Variants in FBXO7 observed in about 807,000 individuals in gnomAD.
FBXO7 encodes F-box only protein 7.
A neutral mutation model predicts 50.2 loss-of-function variants in FBXO7; 31 were observed. The ratio of observed to expected loss-of-function variants is 0.62; its 90% CI spans 0.46 to 0.83. The LOEUF is 0.83. Among genes scored for constraint, FBXO7 ranks in the 40% least tolerant of loss-of-function variants. The pLI, the probability that FBXO7 is intolerant of heterozygous loss-of-function variation, is 0.00. For synonymous variants in FBXO7, 256 were observed against 253.1 expected (o/e 1.01, Z -0.11); for missense variants, 667 against 646.6 (o/e 1.03, Z -0.34).
At chr22:32,479,313 G>A (rs754113728) in intron 2 of FBXO7, 38 bp downstream of exon 2, 1 of 1,600,186 alleles carries the variant, frequency 6.2e-7, no homozygotes, top group Admixed American at 1.7e-5. Context: ...TAGAGTAGGT[G>A]ATAAGTCATA....
chr22:32,477,197 T>C (rs1458263945), intron 1 of FBXO7, among the ~76,000 whole-genome samples: 7 of 152,228 alleles, frequency 4.6e-5, no homozygotes, highest in Non-Finnish European at 1.0e-4. Flanking sequence ...TCAGTAATTT[T>C]AATTTCTCTA....
intron 8 of FBXO7, among the ~76,000 whole-genome samples, chr22:32,497,088 AGTCTCACAGTCAAACTTG>A (rs1459184846): frequency 6.6e-6 from 1 of 152,238 alleles, no homozygotes; most frequent in Non-Finnish European, 1.5e-5. Context: ...GAATTGCTGC[AGTCTCACAGTCAAACTTG>A]AATGGATGAG....
chr22:32,491,148 C>A lies in FBXO7; in HGVS notation c.934C>A (p.Leu312Met). ...QKLSRLFKDQ[L>M]VYPLLAFTRQ... ...ACTCTCTCGCCTCTTTAAAGACCAGCTGGTGTATCCTCTTCTGGCTTTTAC... is the reference window on the plus strand; with the variant it reads ...ACTCTCTCGCCTCTTTAAAGACCAGATGGTGTATCCTCTTCTGGCTTTTAC... The change falls in exon 6 of 9, where the codon CTG becomes ATG. Residue 312 changes from leucine (L) to methionine (M), a missense_variant. Leu to Met is a conservative substitution (Grantham distance 15). Transcript: ENST00000266087. 1 of 1,612,678 alleles carries A rather than the reference C, an allele frequency of 6.2e-7. No homozygotes were observed. Among genetic ancestry groups the A allele is most frequent in the Non-Finnish European group, 8.5e-7 (1 of 1,178,796 alleles).
chr22:32,475,609 T>G (rs1323637342), intron 1 of FBXO7: 12 of 601,752 alleles, frequency 2.0e-5, no homozygotes, highest in Non-Finnish European at 3.3e-5. Context: ...AAATCTGCCC[T>G]CAATCCGAGG....
intron 5 of FBXO7, chr22:32,489,977 A>T (rs1244448103): frequency 1.3e-5 from 2 of 152,368 alleles, no homozygotes; most frequent in Non-Finnish European, 1.5e-5. Context: ...CCTTGAGCCA[A>T]ATTGATTTTA....
At chr22:32,478,179 T>G (rs1200799385) in intron 1 of FBXO7, 5 of 152,212 alleles carry the variant, frequency 3.3e-5, no homozygotes, top group African/African-American at 1.2e-4. Context: ...CAGGATGCAG[T>G]AGGAGAAATG....
At position 32,493,258 on chromosome 22, in the gene FBXO7, T is replaced by G. The variant is rs1218068969; in HGVS notation, c.1121T>G (p.Phe374Cys). Reference protein sequence around the residue: ...TASNDPLLWRFLYLRDFRDNT... With the variant: ...TASNDPLLWRCLYLRDFRDNT... ...TCAAATGACCCACTCCTGTGGAGGT[T>G]TTTATATCTGCGTGATTTTCGAGGT... The change falls in exon 7 of 9, where the codon TTT (phenylalanine) becomes TGT (cysteine). Residue 374 changes from phenylalanine to cysteine, a missense_variant. By Grantham distance (205) the Phe-to-Cys change is radical. Transcript: ENST00000266087. 2.5e-6 allele frequency: 4 copies of G among 1,613,996 alleles called. No individual in the cohort carries two copies. Among genetic ancestry groups the G allele is most frequent in the Non-Finnish European group, 2.5e-6 (3 of 1,179,984 alleles).
rs570400052 is a variant in FBXO7 at position 32,475,501 on chromosome 22, G to T, written c.122+377G>T. The T allele has an allele frequency of 1.2e-4, 183 of 1,481,332 alleles. 3 individuals carry two copies. The African/African-American group carries it at 2.4e-3, about 19-fold the overall frequency. The allele number at this position is 1,481,332 out of a possible 1,614,324, so 91.8% of individuals were successfully genotyped here. On this transcript the variant is annotated intron_variant, in intron 1 of 8. Transcript: ENST00000266087. ...TTTCAAGTTGGAAATGATGAGCTTG[G>T]CTTGGGTTAAACCTTTCTGGACTGT...
chr22:32,488,645 A>C (rs989491985), intron 5 of FBXO7: 2 of 152,246 alleles, frequency 1.3e-5, no homozygotes, highest in Non-Finnish European at 2.9e-5. Context: ...GGCTAGATTG[A>C]CATTGTTGCT....
chr22:32,495,342 T>C (rs1214115113), intron 7 of FBXO7, 151 bp from the exon 8 acceptor site: 1 of 588,170 alleles, frequency 1.7e-6, no homozygotes, highest in Non-Finnish European at 3.0e-6. Flanking sequence ...GTACAAATGA[T>C]ATAGTGTGTG....
intron 1 of FBXO7, 74 bp from the exon 2 acceptor site, chr22:32,478,907 G>T (rs2057445284): frequency 7.6e-7 from 1 of 1,320,016 alleles, no homozygotes; most frequent in Non-Finnish European, 1.1e-6. Flanking sequence ...GTGTACTTAT[G>T]TATGCTTCAG....
intron 8 of FBXO7, 89 bp from the exon 9 acceptor site, chr22:32,498,055 G>T (rs1283944746): frequency 3.6e-6 from 5 of 1,395,946 alleles, no homozygotes; most frequent in African/African-American, 1.4e-5. Flanking sequence ...TGTGCCTATA[G>T]ATCTTTACTA....
chr22:32,498,031 C>A, intron 8 of FBXO7, 113 bp from the exon 9 acceptor site: 1 of 1,225,830 alleles, frequency 8.2e-7, no homozygotes, highest in Non-Finnish European at 1.2e-6. Context: ...ACTAAATCCA[C>A]AATATGTCTG....
intron 5 of FBXO7, chr22:32,489,220 T>A (rs1644691971): frequency 6.6e-6 from 1 of 152,236 alleles, no homozygotes; most frequent in South Asian, 2.1e-4. Flanking sequence ...TCATGAAATT[T>A]CATACCACAA....
At chr22:32,498,091 A>G in intron 8 of FBXO7, 53 bp from the exon 9 acceptor site, 1 of 1,586,188 alleles carries the variant, frequency 6.3e-7, no homozygotes, top group East Asian at 2.2e-5. Flanking sequence ...ACTAAAGGGA[A>G]ACATCCAGAT....
chr22:32,478,352 A>T (rs2057441703), intron 1 of FBXO7, among the ~76,000 whole-genome samples: 1 of 152,226 alleles, frequency 6.6e-6, no homozygotes, highest in Admixed American at 6.5e-5. Context: ...TTTATGTAAC[A>T]GCAGGGGAAA....
intron 8 of FBXO7, among the ~76,000 whole-genome samples, 173 bp from the exon 9 acceptor site, chr22:32,497,971 C>G (rs2057586260): frequency 6.6e-6 from 1 of 152,194 alleles, no homozygotes; most frequent in South Asian, 2.1e-4. Flanking sequence ...TTTATATACA[C>G]TGGGAAACCA....
Position 32,474,934 on chromosome 22 carries a change from C to G in FBXO7, c.-69C>G. ...GGGTCGTCGCCGTTTGGGGCGGGAG[C>G]TGCTCGGCCCCGCCGCCGTCCCCGT... On this transcript the variant is annotated 5_prime_UTR_variant, in exon 1 of 9. Transcript: ENST00000266087. 2.1e-6 allele frequency: 3 copies of G among 1,442,328 alleles called. No individual in the cohort carries two copies. The highest frequency in any genetic ancestry group is 2.8e-6 in the Non-Finnish European group (3 of 1,088,752). The allele number at this position is 1,442,328 out of a possible 1,614,324, so 89.3% of individuals were successfully genotyped here. A position where few individuals can be genotyped will look rare whatever the true frequency, so the allele number is the denominator to read the frequency against.
chr22:32,486,845 G>A (rs2057502026), intron 4 of FBXO7, among the ~76,000 whole-genome samples: 1 of 152,174 alleles, frequency 6.6e-6, no homozygotes, highest in Admixed American at 6.5e-5. Flanking sequence ...AGTGTCAACA[G>A]TTTCTGCCTT....
Sources: gnomAD v4.1 joint callset for allele counts (sites outside exome capture counted in the v4.1 genomes callset) on GRCh38, gnomAD v4.1.1 for gene constraint, MANE v1.5 for transcripts, NCBI Gene and HGNC (gene_info 2026-07-23, HGNC 2026-07-21) for gene names.